SH3BP5: variants seen among roughly 807,000 people sequenced by gnomAD.
SH3BP5 encodes the protein SH3 domain-binding protein 5.
A neutral mutation model predicts 43.3 loss-of-function variants in SH3BP5; 22 were observed. That is an observed-to-expected ratio of 0.51 (90% CI 0.36 to 0.73). SH3BP5 has a LOEUF of 0.73. SH3BP5 is among the 30% of genes least tolerant of loss of function. The pLI is 0.00. For missense variants in SH3BP5, 529 were observed against 586.9 expected (o/e 0.90, Z 1.02); for synonymous variants, 255 against 225.8 (o/e 1.13, Z -1.16).
intron 3 of SH3BP5, among the ~76,000 whole-genome samples, chr3:15,279,712 T>C (rs1697068188): frequency 6.6e-6 from 1 of 152,112 alleles, no homozygotes; most frequent in Non-Finnish European, 1.5e-5. Context: ...CCCCAGTTTC[T>C]GGCAAGACAA....
chr3:15,261,767 T>C (rs114596351), intron 5 of SH3BP5, among the ~76,000 whole-genome samples: 181 of 151,650 alleles, frequency 1.2e-3, no homozygotes, highest in African/African-American at 4.3e-3. Flanking sequence ...ACAGGAAACA[T>C]GTATTGTGAA....
rs754999283 is a variant in SH3BP5 at position 15,304,632 on chromosome 3, T to C, written c.202-401A>G. Among the ~76,000 whole-genome samples, 10 of 146,710 alleles carry C rather than the reference T, an allele frequency of 6.8e-5. No homozygotes were observed. In the East Asian group the frequency reaches 1.9e-3, roughly 28 times the overall value. ...GAGTTGGAGACCAGCCTGGCCAACA[T>C]GGCAAAACCCCATCTCTACTAAAAA... On this transcript the variant is annotated intron_variant, in intron 2 of 8. Transcript: ENST00000383791.
At chr3:15,319,270 T>C (rs2125131731) in intron 2 of SH3BP5, among the ~76,000 whole-genome samples, 1 of 152,340 alleles carries the variant, frequency 6.6e-6, no homozygotes, top group Non-Finnish European at 1.5e-5. Flanking sequence ...GCCTTTATCG[T>C]TGCTGGTTTA....
intron 2 of SH3BP5, among the ~76,000 whole-genome samples, chr3:15,308,651 TC>T (rs1187436539): frequency 6.6e-6 from 1 of 151,988 alleles, no homozygotes; most frequent in Non-Finnish European, 1.5e-5. Context: ...CTGAACTCAA[TC>T]CCATGAACAA....
intron 3 of SH3BP5, among the ~76,000 whole-genome samples, chr3:15,282,592 G>A (rs921104972): frequency 3.3e-5 from 5 of 151,454 alleles, no homozygotes; most frequent in Non-Finnish European, 7.4e-5. Context: ...AAATAACCAC[G>A]GTTTCTAGTC....
intron 3 of SH3BP5, among the ~76,000 whole-genome samples, chr3:15,282,930 G>C (rs947980934): frequency 1.3e-5 from 2 of 152,054 alleles, no homozygotes; most frequent in Non-Finnish European, 2.9e-5. Context: ...ATAATAAAAA[G>C]TTGTAAAGAA....
At chr3:15,322,169 G>C (rs112958836) in intron 2 of SH3BP5, among the ~76,000 whole-genome samples, 4 of 151,812 alleles carry the variant, frequency 2.6e-5, no homozygotes, top group African/African-American at 7.3e-5. Context: ...TGCCACTGCA[G>C]TCCAGCCTGG....
chr3:15,259,303 A>C, intron 6 of SH3BP5: 1 of 570,506 alleles, frequency 1.8e-6, no homozygotes, highest in South Asian at 2.0e-5. Flanking sequence ...AAACCCCATC[A>C]GGGAAGCAAA....
At chr3:15,266,892 G>A (rs1285754713) in intron 4 of SH3BP5, among the ~76,000 whole-genome samples, 1 of 152,238 alleles carries the variant, frequency 6.6e-6, no homozygotes, top group Non-Finnish European at 1.5e-5. Flanking sequence ...AGATAATCTT[G>A]GGCACGTTAC....
intron 2 of SH3BP5, among the ~76,000 whole-genome samples, chr3:15,307,638 A>G (rs1041966263): frequency 6.6e-6 from 1 of 152,274 alleles, no homozygotes. Context: ...GTATAAAAAG[A>G]GACCCTGAGA....
chr3:15,293,693 G>C (rs73146062), intron 3 of SH3BP5, among the ~76,000 whole-genome samples: 2,544 of 152,226 alleles, frequency 0.017, 54 homozygotes, highest in African/African-American at 0.057. Context: ...AGGTAGACTT[G>C]GTTTAAACCT....
At position 15,330,600 on chromosome 3, in the gene SH3BP5, A is replaced by G. The variant is rs1329390723; in HGVS notation, c.139-34T>C. 18 of 1,535,898 alleles carry G rather than the reference A, an allele frequency of 1.2e-5. No individual in the cohort carries two copies. In the South Asian group the frequency reaches 2.0e-4, roughly 17 times the overall value. On this transcript the variant is annotated intron_variant, in intron 1 of 8. Coordinates refer to ENST00000383791, the MANE Select transcript of SH3BP5 (RefSeq NM_004844.5). ...GAAAAGAGGGAGAAAAAAAGACTTA[A>G]GGGATCCGTCTTTTGTTTCCAATAT...
At chr3:15,318,852 G>A (rs965872241) in intron 2 of SH3BP5, among the ~76,000 whole-genome samples, 14 of 152,226 alleles carry the variant, frequency 9.2e-5, no homozygotes, top group Non-Finnish European at 2.1e-4. Flanking sequence ...GATTATGGGC[G>A]TGAGCCACTG....
At chr3:15,274,255 A>AAAAAGAAAG (rs1553614793) in intron 3 of SH3BP5, among the ~76,000 whole-genome samples, 9 of 151,174 alleles carry the variant, frequency 6.0e-5, no homozygotes, top group African/African-American at 2.2e-4. Flanking sequence ...CAACAAAAAA[A>AAAAAGAAAG]AAAGAAAGAA....
chr3:15,337,084 GTTTTTT>G (rs374056927), upstream of SH3BP5, among the ~76,000 whole-genome samples: 29 of 100,128 alleles, frequency 2.9e-4, no homozygotes, highest in Non-Finnish European at 3.1e-4. Context: ...TTTTAGTTTA[GTTTTTT>G]TTTTTTTTTT....
intron 3 of SH3BP5, among the ~76,000 whole-genome samples, chr3:15,282,948 T>C (rs900478790): frequency 6.6e-6 from 1 of 152,190 alleles, no homozygotes; most frequent in Non-Finnish European, 1.5e-5. Flanking sequence ...GAAATATTTT[T>C]TGAAGGCGTT....
intron 2 of SH3BP5, among the ~76,000 whole-genome samples, chr3:15,320,605 A>AACAC (rs376414934): frequency 0.02 from 2,553 of 126,938 alleles, 21 homozygotes; most frequent in Non-Finnish European, 0.024. Context: ...ATCCAGCCAA[A>AACAC]ACACACACAC....
chr3:15,269,593 G>C, intron 4 of SH3BP5, 120 bp downstream of exon 4: 1 of 1,100,616 alleles, frequency 9.1e-7, no homozygotes. Context: ...ATGACAACCT[G>C]TGATTTTCAG....
chr3:15,294,666 G>A (rs533392298), intron 3 of SH3BP5, among the ~76,000 whole-genome samples: 52 of 152,172 alleles, frequency 3.4e-4, no homozygotes, highest in African/African-American at 1.1e-3. Flanking sequence ...GACAGCCCCC[G>A]CACAGAGCAG....
Sources: allele counts gnomAD v4.1 joint callset (sites outside exome capture counted in the v4.1 genomes callset), GRCh38; gene constraint gnomAD v4.1.1; transcripts MANE v1.5; gene names NCBI Gene and HGNC (gene_info 2026-07-23, HGNC 2026-07-21).